RAVER2: variants seen among roughly 807,000 people sequenced by gnomAD.
RAVER2 encodes ribonucleoprotein PTB-binding 2.
A neutral mutation model predicts 78.1 loss-of-function variants in RAVER2; 46 were observed. The ratio of observed to expected loss-of-function variants is 0.59; its 90% CI spans 0.46 to 0.75. The LOEUF is 0.75. Among genes scored for constraint, RAVER2 ranks in the 30% least tolerant of loss-of-function variants. The pLI is 0.00. For synonymous variants in RAVER2, 311 were observed against 313.3 expected (o/e 0.99, Z 0.08); for missense variants, 793 against 837.5 (o/e 0.95, Z 0.66).
chr1:64,770,042 T>C (rs1467504063), intron 2 of RAVER2, among the ~76,000 whole-genome samples: 1 of 152,058 alleles, frequency 6.6e-6, no homozygotes, highest in African/African-American at 2.4e-5. Context: ...CATGTAATTA[T>C]CATGTGAATT....
Position 64,822,205 on chromosome 1 carries a change from G to A in RAVER2, c.1929+7365G>A, listed in dbSNP as rs1032383696. Among the ~76,000 whole-genome samples the A allele has an allele frequency of 7.2e-5, 11 of 152,100 alleles. No individual in the cohort carries two copies. The East Asian group carries it at 7.7e-4, about 11-fold the overall frequency. On this transcript the variant is annotated intron_variant, in intron 11 of 11. Coordinates refer to ENST00000294428, the Ensembl canonical transcript of RAVER2. ...CGGGAGGCTGAGGCAGGAGAATGGC[G>A]TGAACCCGGGAGGCAGAGCTTGCAG...
chr1:64,818,841 A>G (rs551706569), intron 11 of RAVER2, among the ~76,000 whole-genome samples: 1 of 152,262 alleles, frequency 6.6e-6, no homozygotes, highest in African/African-American at 2.4e-5. Context: ...CTCAAAATCT[A>G]TGTGTAAACT....
chr1:64,767,732 G>A (rs1351442289), intron 1 of RAVER2, among the ~76,000 whole-genome samples: 3 of 151,866 alleles, frequency 2.0e-5, no homozygotes, highest in Non-Finnish European at 2.9e-5. Flanking sequence ...ATTTAACAAC[G>A]AAACAATTAT....
At chr1:64,800,136 T>TG (rs1317110764) in intron 5 of RAVER2, among the ~76,000 whole-genome samples, 2 of 151,904 alleles carry the variant, frequency 1.3e-5, no homozygotes, top group African/African-American at 4.8e-5. Context: ...TTTTTGTTTT[T>TG]TTTTTTTGCT....
At chr1:64,756,884 G>T (rs895240452) in intron 1 of RAVER2, among the ~76,000 whole-genome samples, 1 of 152,108 alleles carries the variant, frequency 6.6e-6, no homozygotes, top group Non-Finnish European at 1.5e-5. Context: ...GTTTGTAGGA[G>T]GTTTTTCCTC....
At chr1:64,772,460 T>C (rs982791750) in intron 2 of RAVER2, among the ~76,000 whole-genome samples, 5 of 152,128 alleles carry the variant, frequency 3.3e-5, no homozygotes, top group Admixed American at 6.6e-5. Flanking sequence ...CCATGATAGT[T>C]GGTGGAATTA....
intron 11 of RAVER2, among the ~76,000 whole-genome samples, chr1:64,819,576 A>T (rs1165237704): frequency 1.3e-5 from 2 of 152,246 alleles, no homozygotes; most frequent in African/African-American, 4.8e-5. Context: ...GTTTGAAAAA[A>T]TAATGGTCAA....
At chr1:64,789,475 C>A (rs770009968) in exon 5 of RAVER2, 1 of 1,609,544 alleles carries the variant, frequency 6.2e-7, no homozygotes. Context: ...GTTGCAAGTT[C>A]TTCTACAGCC....
In RAVER2 at chr1:64,807,667, T is replaced by C. The variant is rs116114407; in HGVS notation, c.1680+193T>C. Among the ~76,000 whole-genome samples the C allele has an allele frequency of 3.4e-3, 513 of 152,316 alleles. 2 individuals carry two copies. The highest frequency in any genetic ancestry group is 0.012 in the African/African-American group (480 of 41,576). On this transcript the variant is annotated intron_variant, in intron 9 of 11. Coordinates refer to ENST00000294428, the Ensembl canonical transcript of RAVER2. Reference sequence around the variant, plus strand: ...ATAAATAAAGCAAACAAAAAATCCATTTTTTGATAAGTTATGCTAGCTGGC... The same window carrying C: ...ATAAATAAAGCAAACAAAAAATCCACTTTTTGATAAGTTATGCTAGCTGGC...
chr1:64,791,075 T>G (rs1384850473), intron 5 of RAVER2, among the ~76,000 whole-genome samples: 1 of 152,162 alleles, frequency 6.6e-6, no homozygotes, highest in Non-Finnish European at 1.5e-5. Flanking sequence ...AGCACTATGC[T>G]TATGAATACA....
chr1:64,794,010 T>G (rs1332676077), intron 5 of RAVER2, among the ~76,000 whole-genome samples: 2 of 152,218 alleles, frequency 1.3e-5, no homozygotes, highest in Non-Finnish European at 2.9e-5. Flanking sequence ...TGGACATTTG[T>G]GTACTAGTCT....
chr1:64,772,615 G>C (rs1047361793), intron 2 of RAVER2, among the ~76,000 whole-genome samples: 1 of 152,180 alleles, frequency 6.6e-6, no homozygotes, highest in African/African-American at 2.4e-5. Flanking sequence ...GATCAGGGAA[G>C]CTTCCTGGAG....
chr1:64,805,048 G>C (rs751886391), exon 8 of RAVER2: 3 of 1,613,892 alleles, frequency 1.9e-6, no homozygotes, highest in Admixed American at 1.7e-5. Context: ...ACTAGGGATA[G>C]GGTCAGTGCT....
At chr1:64,818,263 G>A (rs183586077) in intron 11 of RAVER2, among the ~76,000 whole-genome samples, 16 of 152,246 alleles carry the variant, frequency 1.1e-4, no homozygotes, top group Admixed American at 3.9e-4. Context: ...TAGGCTGGGC[G>A]CGGTGGCTCA....
intron 5 of RAVER2, among the ~76,000 whole-genome samples, chr1:64,797,858 T>G (rs982807597): frequency 6.6e-6 from 1 of 152,124 alleles, no homozygotes; most frequent in East Asian, 1.9e-4. Flanking sequence ...TTCTGATATT[T>G]GCAGTATTAC....
intron 1 of RAVER2, among the ~76,000 whole-genome samples, chr1:64,757,472 A>G (rs1267745400): frequency 6.6e-6 from 1 of 152,236 alleles, no homozygotes; most frequent in Admixed American, 6.5e-5. Context: ...AGGAAAGGCC[A>G]TGTGAGGACA....
chr1:64,770,033 A>G (rs937886950), intron 2 of RAVER2, among the ~76,000 whole-genome samples: 2 of 152,044 alleles, frequency 1.3e-5, no homozygotes, highest in Admixed American at 6.6e-5. Flanking sequence ...AAGCTACTAC[A>G]TGTAATTATC....
intron 11 of RAVER2, chr1:64,815,877 A>G (rs986761311): frequency 5.3e-5 from 8 of 152,222 alleles, no homozygotes; most frequent in African/African-American, 1.9e-4. Context: ...CAGTATATCT[A>G]TATTTAGAGA....
At chr1:64,783,530 C>T (rs1162959906) in intron 4 of RAVER2, among the ~76,000 whole-genome samples, 1 of 152,178 alleles carries the variant, frequency 6.6e-6, no homozygotes, top group African/African-American at 2.4e-5. Context: ...TAAATGTCTT[C>T]TTTTGAGAAG....
Sources: allele counts gnomAD v4.1 joint callset (sites outside exome capture counted in the v4.1 genomes callset), GRCh38; gene constraint gnomAD v4.1.1; transcripts MANE v1.5; gene names NCBI Gene and HGNC (gene_info 2026-07-23, HGNC 2026-07-21).